FARS2: variants seen among roughly 807,000 people sequenced by gnomAD.
FARS2 encodes the protein phenylalanyl-tRNA synthetase 2, mitochondrial, also known as phenylalanine--tRNA ligase, mitochondrial.
A neutral mutation model predicts 46.4 loss-of-function variants in FARS2; 40 were observed. That is an observed-to-expected ratio of 0.86 (90% CI 0.67 to 1.12). The LOEUF (loss-of-function observed/expected upper bound fraction) is 1.12, where lower values mean the gene tolerates loss of function less well. Ranked by LOEUF, FARS2 falls within the 50% of genes most tolerant of loss-of-function variation. The pLI, the probability that FARS2 is intolerant of heterozygous loss-of-function variation, is 0.00. For synonymous variants in FARS2, 234 were observed against 214.9 expected, an observed-to-expected ratio of 1.09 and a Z score of -0.78; for missense variants, 513 against 567.9, an observed-to-expected ratio of 0.90 and a Z score of 0.98.
chr6:5,433,438 C>T (rs1430580156), intron 4 of FARS2, among the ~76,000 whole-genome samples: 2 of 152,186 alleles, frequency 1.3e-5, no homozygotes, highest in African/African-American at 4.8e-5. Flanking sequence ...GAAGTTGTTC[C>T]TGCCTGTGAT....
intron 4 of FARS2, among the ~76,000 whole-genome samples, chr6:5,499,368 G>A (rs1404644470): frequency 6.6e-6 from 1 of 152,188 alleles, no homozygotes; most frequent in Non-Finnish European, 1.5e-5. Context: ...TTTCCTTCAT[G>A]AGACGCAGAC....
Position 5,698,366 on chromosome 6 carries a change from C to T in FARS2, c.1218-72925C>T, listed in dbSNP as rs552266646. On this transcript the variant is annotated intron_variant, in intron 6 of 6. Coordinates refer to ENST00000274680, the MANE Select transcript of FARS2 (RefSeq NM_006567.5). The stretch of plus-strand genomic sequence containing the variant: ...AGTAGGGGGAGGGAGGTGCCACACG[C>T]ACCAGAATTCATGAGAACTCACTGC... 3.3e-5 allele frequency among the ~76,000 whole-genome samples: 5 copies of T among 152,254 alleles called. No individual in the cohort carries two copies. The South Asian group carries it at 1.0e-3, about 32-fold the overall frequency.
At chr6:5,687,140 T>G (rs142790488) in intron 6 of FARS2, among the ~76,000 whole-genome samples, 1 of 152,178 alleles carries the variant, frequency 6.6e-6, no homozygotes, top group African/African-American at 2.4e-5. Context: ...TTCTCCCATT[T>G]TGTAGGTTGC....
chr6:5,673,352 CAGAA>C (rs760471507), intron 6 of FARS2, among the ~76,000 whole-genome samples: 15 of 152,200 alleles, frequency 9.9e-5, no homozygotes, highest in Non-Finnish European at 1.8e-4. Flanking sequence ...CTTCTGCCAT[CAGAA>C]AGACTCGTTC....
At chr6:5,264,858 A>G (rs950155995) in intron 1 of FARS2, among the ~76,000 whole-genome samples, 2 of 152,038 alleles carry the variant, frequency 1.3e-5, no homozygotes, top group Non-Finnish European at 1.5e-5. Context: ...CAGTAGTGCT[A>G]TCATATCTCG....
chr6:5,510,927 C>G (rs956068821), intron 4 of FARS2, among the ~76,000 whole-genome samples: 1 of 152,268 alleles, frequency 6.6e-6, no homozygotes, highest in Middle Eastern at 3.4e-3. Flanking sequence ...ATGCAGCCCC[C>G]CAGTGGGCTT....
chr6:5,602,360 A>G (rs1273016756), intron 5 of FARS2, among the ~76,000 whole-genome samples: 1 of 152,160 alleles, frequency 6.6e-6, no homozygotes, highest in Non-Finnish European at 1.5e-5. Flanking sequence ...CGATAAAAGG[A>G]AACCTCCAGC....
intron 3 of FARS2, among the ~76,000 whole-genome samples, chr6:5,411,617 G>A (rs1179465981): frequency 6.6e-6 from 1 of 152,062 alleles, no homozygotes; most frequent in Non-Finnish European, 1.5e-5. Flanking sequence ...TTCTTGAAAA[G>A]CAAAATTAAA....
At position 5,545,235 on chromosome 6, in the gene FARS2, C is replaced by T; in HGVS notation, c.960C>T (p.Ala320=). 6.2e-7 allele frequency: 1 copy of T among 1,614,014 alleles called. No homozygotes were observed. The highest frequency in any genetic ancestry group is 8.5e-7 in the Non-Finnish European group (1 of 1,179,918). ...WAFGLGLERL[A]MILYDIPDIR... ...TTGGCCTAGGATTAGAAAGGCTAGC[C>T]ATGATCCTCTACGACATCCCTGATA... Residue 320 remains alanine (A), a synonymous_variant, in exon 5 of 7, where the codon GCC becomes GCT. Transcript: ENST00000274680.
intron 6 of FARS2, among the ~76,000 whole-genome samples, chr6:5,725,137 A>T (rs566544370): frequency 6.6e-6 from 1 of 152,392 alleles, no homozygotes; most frequent in East Asian, 1.9e-4. Flanking sequence ...TCTCTGGATG[A>T]TGCGGAGCAG....
rs1225031036 is a variant in FARS2 at position 5,609,311 on chromosome 6, G to T, written c.1066-3858G>T. 17 of 1,096,722 alleles carry T rather than the reference G, an allele frequency of 1.6e-5. No homozygotes were observed. The South Asian group carries it at 2.0e-4, about 13-fold the overall frequency. The allele number at this position is 1,096,722 out of a possible 1,614,324, so 67.9% of individuals were successfully genotyped here. A position where few individuals can be genotyped will look rare whatever the true frequency, so the allele number is the denominator to read the frequency against. ...GGTTTCATGGTTTGGCAAAGTATTGGCCTCTACCACCATAGGGACCAGAGC... is the reference window on the plus strand; with the variant it reads ...GGTTTCATGGTTTGGCAAAGTATTGTCCTCTACCACCATAGGGACCAGAGC... On this transcript the variant is annotated intron_variant, in intron 5 of 6. Transcript: ENST00000274680.
At chr6:5,543,851 T>C in intron 4 of FARS2, among the ~76,000 whole-genome samples, 1 of 151,810 alleles carries the variant, frequency 6.6e-6, no homozygotes, top group East Asian at 1.9e-4. Flanking sequence ...TTTCTCTACA[T>C]TTTGAATCTG....
chr6:5,710,803 C>G (rs903029036), intron 6 of FARS2, among the ~76,000 whole-genome samples: 1 of 152,108 alleles, frequency 6.6e-6, no homozygotes, highest in African/African-American at 2.4e-5. Flanking sequence ...GTGGCAACTG[C>G]GGAAAAAACT....
At position 5,293,695 on chromosome 6, in the gene FARS2, C is replaced by T. The variant is rs375768342; in HGVS notation, c.-22+32035C>T. Among the ~76,000 whole-genome samples, 10 of 152,012 alleles carry T rather than the reference C, an allele frequency of 6.6e-5. No individual in the cohort carries two copies. The South Asian group carries it at 1.5e-3, about 22-fold the overall frequency. On this transcript the variant is annotated intron_variant, in intron 1 of 6. Coordinates refer to ENST00000274680, the MANE Select transcript of FARS2 (RefSeq NM_006567.5). ...CTCCATGTACGATTTTTTTTGTTGT[C>T]GTTGTTCATCAATGAGAAGGTTTGT...
chr6:5,573,521 T>C (rs1258332144), intron 5 of FARS2, among the ~76,000 whole-genome samples: 1 of 152,114 alleles, frequency 6.6e-6, no homozygotes, highest in African/African-American at 2.4e-5. Flanking sequence ...AAATTTAGAG[T>C]CTTAGAGCTA....
chr6:5,374,667 A>T (rs1352205724), intron 2 of FARS2, among the ~76,000 whole-genome samples: 1 of 152,060 alleles, frequency 6.6e-6, no homozygotes, highest in African/African-American at 2.4e-5. Flanking sequence ...TTATGAACAT[A>T]GATTATTCCT....
chr6:5,660,673 A>G (rs1486579468), intron 6 of FARS2, among the ~76,000 whole-genome samples: 1 of 150,912 alleles, frequency 6.6e-6, no homozygotes, highest in African/African-American at 2.4e-5. Context: ...AAAAAAAGTA[A>G]CAGTGAGCAG....
chr6:5,757,357 C>A (rs1762258574), intron 6 of FARS2, among the ~76,000 whole-genome samples: 2 of 152,036 alleles, frequency 1.3e-5, no homozygotes, highest in South Asian at 4.1e-4. Flanking sequence ...TTTTTCCTAA[C>A]TGAGGGAGTA....
intron 6 of FARS2, among the ~76,000 whole-genome samples, chr6:5,763,358 G>A (rs547927953): frequency 6.6e-6 from 1 of 152,160 alleles, no homozygotes; most frequent in East Asian, 1.9e-4. Context: ...AGGCTGAGGT[G>A]GAAGGATTGC....
Sources: allele counts gnomAD v4.1 joint callset (sites outside exome capture counted in the v4.1 genomes callset), GRCh38; gene constraint gnomAD v4.1.1; transcripts MANE v1.5; gene names NCBI Gene and HGNC (gene_info 2026-07-23, HGNC 2026-07-21).